Variants in TUBGCP6 observed in about 807,000 individuals in gnomAD.
TUBGCP6 encodes gamma-tubulin complex component 6.
In TUBGCP6, 161 loss-of-function variants were observed where a neutral mutation model predicts 175.8. The ratio of observed to expected loss-of-function variants is 0.92; its 90% CI spans 0.81 to 1.04. The LOEUF is 1.04. Ranked by LOEUF, TUBGCP6 falls within the 50% of genes least tolerant of loss-of-function variation. The pLI, the probability that TUBGCP6 is intolerant of heterozygous loss-of-function variation, is 0.00. For missense variants in TUBGCP6, 2,572 were observed against 2,433.0 expected (o/e 1.06, Z -1.20); for synonymous variants, 1,173 against 1,030.5 (o/e 1.14, Z -2.65).
chr22:50,242,395 G>A (rs1405729629), intron 1 of TUBGCP6, among the ~76,000 whole-genome samples: 2 of 152,190 alleles, frequency 1.3e-5, no homozygotes, highest in Middle Eastern at 3.2e-3. Flanking sequence ...TACTTAGGAG[G>A]CTGAGGCAGG....
At chr22:50,223,239 A>G (rs1050049206) in intron 13 of TUBGCP6, 3 of 152,702 alleles carry the variant, frequency 2.0e-5, no homozygotes, top group African/African-American at 7.2e-5. Context: ...ACACACGTGC[A>G]CACAGGCACG....
chr22:50,228,965 G>A (rs2064654424), intron 4 of TUBGCP6, among the ~76,000 whole-genome samples: 1 of 152,150 alleles, frequency 6.6e-6, no homozygotes, highest in South Asian at 2.1e-4. Context: ...CAGCACATGA[G>A]CCAGCTTCAA....
At chr22:50,235,943 A>G (rs1601603413) in intron 2 of TUBGCP6, among the ~76,000 whole-genome samples, 1 of 145,620 alleles carries the variant, frequency 6.9e-6, no homozygotes, top group African/African-American at 2.6e-5. Context: ...CCATCTCGGA[A>G]AAAAAAAAAA....
intron 2 of TUBGCP6, among the ~76,000 whole-genome samples, chr22:50,239,292 T>C (rs553251237): frequency 1.3e-5 from 2 of 152,334 alleles, no homozygotes; most frequent in African/African-American, 4.8e-5. Context: ...TTCTTGTGCC[T>C]CAACCTCCTG....
chr22:50,220,850 C>T lies in TUBGCP6; in HGVS notation c.3509G>A (p.Ser1170Asn). Residue 1170 changes from serine (S) to asparagine (N), a missense_variant, in exon 16 of 25, where the codon AGC becomes AAC. By Grantham distance (46) the Ser-to-Asn change is conservative. Coordinates refer to ENST00000248846, the MANE Select transcript of TUBGCP6 (RefSeq NM_020461.4). ...THGHVSDASI[S>N]LGESVSDMAP... Reference sequence around the variant, plus strand: ...CATGTCTGACACAGACTCCCCCAAGCTGATGCTGGCATCGGACACGTGTCC... The same window carrying T: ...CATGTCTGACACAGACTCCCCCAAGTTGATGCTGGCATCGGACACGTGTCC... The T allele has an allele frequency of 1.2e-6, 2 of 1,604,454 alleles. No homozygotes were observed. Among genetic ancestry groups the T allele is most frequent in the Non-Finnish European group, 1.7e-6 (2 of 1,175,442 alleles).
intron 5 of TUBGCP6, among the ~76,000 whole-genome samples, chr22:50,227,489 C>T (rs1601593739): frequency 6.6e-6 from 1 of 152,230 alleles, no homozygotes; most frequent in African/African-American, 2.4e-5. Flanking sequence ...TGGGTCTCCT[C>T]AGCGCTGCCA....
intron 10 of TUBGCP6, 63 bp downstream of exon 10, chr22:50,225,731 C>T: frequency 6.4e-7 from 1 of 1,556,484 alleles, no homozygotes; most frequent in East Asian, 2.3e-5. Flanking sequence ...CCCCACCAAC[C>T]TGAGACCCCA....
Position 50,236,766 on chromosome 22 carries a change from GAC to G in TUBGCP6, c.906-3242_906-3241del, listed in dbSNP as rs971917231. Among the ~76,000 whole-genome samples the G allele has an allele frequency of 9.9e-5, 15 of 152,190 alleles. 1 individual carries two copies. Among genetic ancestry groups the G allele is most frequent in the East Asian group, 7.7e-4 (4 of 5,184 alleles). ...CTCAGGATGAGATGAGCATGAGAAA[GAC>G]ACAGCCTCTCAGAGCCTCTGTCTGC... On this transcript the variant is annotated intron_variant, in intron 2 of 24. Coordinates refer to ENST00000248846, the MANE Select transcript of TUBGCP6 (RefSeq NM_020461.4).
At chr22:50,238,607 C>T (rs2064805310) in intron 2 of TUBGCP6, among the ~76,000 whole-genome samples, 2 of 149,672 alleles carry the variant, frequency 1.3e-5, no homozygotes, top group Non-Finnish European at 3.0e-5. Flanking sequence ...GCGCAATATC[C>T]GCTCACTGCA....
intron 2 of TUBGCP6, 89 bp downstream of exon 2, chr22:50,240,115 A>G (rs2064821528): frequency 6.4e-7 from 1 of 1,557,824 alleles, no homozygotes; most frequent in East Asian, 2.3e-5. Flanking sequence ...TGGACCCCTG[A>G]GTACACAACG....
At position 50,218,557 on chromosome 22, in the gene TUBGCP6, A is replaced by C. The variant is rs2064457732; in HGVS notation, c.4885T>G (p.Ser1629Ala). The C allele has an allele frequency of 1.2e-6, 2 of 1,613,620 alleles. No homozygotes were observed. The highest frequency in any genetic ancestry group is 1.7e-6 in the Non-Finnish European group (2 of 1,179,966). ...GCVSKYSGVF[S>A]FLLQLKLMMW... is the part of the protein sequence containing the mutation. ...ATGAGCTTCAGCTGCAGCAGGAAGG[A>C]GAAGACGCCGCTGTACTTGCTCACG... Residue 1629 changes from serine to alanine, a missense_variant, in exon 22 of 25, where the codon TCC becomes GCC. By Grantham distance (99) the Ser-to-Ala change is moderately conservative. Transcript: ENST00000248846.
In TUBGCP6 at chr22:50,221,890, C is replaced by T. The variant is rs377473566; in HGVS notation, c.2485-16G>A. On this transcript the variant is annotated splice_polypyrimidine_tract_variant and intron_variant, in intron 15 of 24. Transcript: ENST00000248846. ...GAGACGTGACCTGAAACACAGGTGA[C>T]ATCAGACCCAGTCTGGTCTCAGGAC... The T allele has an allele frequency of 1.1e-5, 17 of 1,527,750 alleles. No individual in the cohort carries two copies. Among genetic ancestry groups the T allele is most frequent in the Non-Finnish European group, 1.3e-5 (15 of 1,137,010 alleles). 94.6% of individuals were successfully genotyped at this position (1,527,750 alleles called of 1,614,324 possible).
intron 3 of TUBGCP6, among the ~76,000 whole-genome samples, chr22:50,229,969 A>G (rs2064667857): frequency 6.6e-6 from 1 of 152,308 alleles, no homozygotes; most frequent in Non-Finnish European, 1.5e-5. Context: ...GCCACAGGAC[A>G]TTCTCCACAG....
chr22:50,237,999 G>A (rs2064796960), intron 2 of TUBGCP6, among the ~76,000 whole-genome samples: 1 of 152,118 alleles, frequency 6.6e-6, no homozygotes, highest in Admixed American at 6.6e-5. Context: ...TCCCATGCCT[G>A]TAATCCCACT....
chr22:50,218,046 A>C lies in TUBGCP6; in HGVS notation c.5240T>G (p.Phe1747Cys), dbSNP rs780505331. Residue 1747 changes from phenylalanine to cysteine, a missense_variant, in exon 24 of 25, where the codon TTC (phenylalanine) becomes TGC (cysteine). Coordinates refer to ENST00000248846, the MANE Select transcript of TUBGCP6 (RefSeq NM_020461.4). ...IHSIFSLVLK[F>C]RSQLISQAWG... is the part of the protein sequence containing the mutation. ...GGCCTGGGAGATGAGCTGGCTGCGG[A>C]ACTTGAGCACGAGGCTGAAGATGCT... 29 of 1,613,386 alleles carry C rather than the reference A, an allele frequency of 1.8e-5. No homozygotes were observed. The South Asian group carries it at 3.1e-4, about 17-fold the overall frequency.
rs764422153 is a variant in TUBGCP6, at chr22:50,220,507, T to C, written c.3852A>G (p.Pro1284=). The C allele has an allele frequency of 3.1e-6, 5 of 1,613,480 alleles. No individual in the cohort carries two copies. The highest frequency in any genetic ancestry group is 2.2e-5 in the South Asian group (2 of 91,086). The part of the protein sequence containing the change: ...PPHMVLGALS[P]EAEPNTPRPQ... ...GCCTGGGTGTGTTGGGCTCAGCTTCTGGTGAGAGAGCCCCCAGCACCATGT... is the reference window on the plus strand; with the variant it reads ...GCCTGGGTGTGTTGGGCTCAGCTTCCGGTGAGAGAGCCCCCAGCACCATGT... The change falls in exon 16 of 25, where the codon CCA becomes CCG. Residue 1284 remains proline, a synonymous_variant. Transcript: ENST00000248846.
At position 50,244,182 on chromosome 22, in the gene TUBGCP6, A is replaced by G. The variant is rs955546391; in HGVS notation, c.278T>C (p.Val93Ala). 7.4e-6 allele frequency: 12 copies of G among 1,613,192 alleles called. No individual in the cohort carries two copies. The highest frequency in any genetic ancestry group is 7.6e-6 in the Non-Finnish European group (9 of 1,180,048). The change falls in exon 1 of 25, where the codon GTG becomes GCG. Residue 93 changes from valine (V) to alanine (A), a missense_variant. By Grantham distance (64) the Val-to-Ala change is moderately conservative (BLOSUM62 0). Coordinates refer to ENST00000248846, the MANE Select transcript of TUBGCP6 (RefSeq NM_020461.4). ...GCAAGGGGCTGCTTCCAGCTCCTCC[A>G]CAAGCTCCTCCAAACGGTCGGCCTT... Reference protein sequence around the residue: ...GPKADRLEELVEELEAAPCCP... With the variant: ...GPKADRLEELAEELEAAPCCP...
At chr22:50,226,650 G>T in intron 7 of TUBGCP6, 83 bp downstream of exon 7, 1 of 1,208,360 alleles carries the variant, frequency 8.3e-7, no homozygotes, top group Non-Finnish European at 1.2e-6. Flanking sequence ...CCCACATTCA[G>T]CAGGTGTCTG....
Position 50,221,165 on chromosome 22 carries a change from TCCCCGA to T in TUBGCP6, c.3188_3193del (p.Val1063_Gly1064del). 4 of 1,607,854 alleles carry T rather than the reference TCCCCGA, an allele frequency of 2.5e-6. No homozygotes were observed. Among genetic ancestry groups the T allele is most frequent in the Non-Finnish European group, 3.4e-6 (4 of 1,175,012 alleles). Reference sequence around the variant, plus strand: ...GGTGGGAGCCACATCTGACACATTCTCCCCGACCCTGATGCTGGCGTCAGACACGTG... The same window carrying T: ...GGTGGGAGCCACATCTGACACATTCTCCCTGATGCTGGCGTCAGACACGTG... On this transcript the variant is annotated inframe_deletion, in exon 16 of 25. Transcript: ENST00000248846.
Sources: allele counts gnomAD v4.1 joint callset (sites outside exome capture counted in the v4.1 genomes callset), GRCh38; gene constraint gnomAD v4.1.1; transcripts MANE v1.5; gene names NCBI Gene and HGNC (gene_info 2026-07-23, HGNC 2026-07-21).